RMND1: variants seen among roughly 807,000 people sequenced by gnomAD.
RMND1 encodes the protein required for meiotic nuclear division protein 1 homolog.
A neutral mutation model predicts 54.0 loss-of-function variants in RMND1; 41 were observed. The ratio of observed to expected loss-of-function variants is 0.76; its 90% CI spans 0.59 to 0.98. The LOEUF is 0.98. RMND1 is among the 50% of genes least tolerant of loss of function. The probability of loss-of-function intolerance (pLI) is 0.00; values close to 1 mark genes in which losing one functional copy is unlikely to be tolerated. For missense variants in RMND1, 457 were observed against 532.0 expected, an observed-to-expected ratio of 0.86 and a Z score of 1.39; for synonymous variants, 183 against 181.7, an observed-to-expected ratio of 1.01 and a Z score of -0.06.
At chr6:151,430,066 A>C (rs1483654135) in intron 5 of RMND1, 72 bp downstream of exon 5, 1 of 909,570 alleles carries the variant, frequency 1.1e-6, no homozygotes, top group Non-Finnish European at 1.8e-6. Flanking sequence ...CTAATGTTTC[A>C]GTATGTGCTA....
intron 11 of RMND1, 69 bp from the exon 12 acceptor site, chr6:151,405,336 G>C (rs1779575132): frequency 7.2e-7 from 1 of 1,394,410 alleles, no homozygotes; most frequent in African/African-American, 1.4e-5. Context: ...TGACTTCCAA[G>C]ATTGTGATTA....
chr6:151,435,983 T>G (rs1230124700), intron 3 of RMND1, among the ~76,000 whole-genome samples: 1 of 151,682 alleles, frequency 6.6e-6, no homozygotes, highest in Non-Finnish European at 1.5e-5. Context: ...CGCATGCCTG[T>G]AATCCTAGCT....
chr6:151,439,260 A>G (rs1378909212), intron 2 of RMND1, among the ~76,000 whole-genome samples: 4 of 152,236 alleles, frequency 2.6e-5, no homozygotes, highest in Admixed American at 1.3e-4. Flanking sequence ...CTATTGATGG[A>G]ATAGTTCCAT....
Position 151,445,480 on chromosome 6 carries a change from G to C in RMND1, c.332C>G (p.Pro111Arg), listed in dbSNP as rs2114971518. Residue 111 changes from proline to arginine, a missense_variant, in exon 2 of 12, where the codon CCA becomes CGA. Coordinates refer to ENST00000444024, the MANE Select transcript of RMND1 (RefSeq NM_017909.4). ...FGTHRRVTHK[P>R]NLLGSKWFIK... ...AAACCATTTAGAACCCAACAGATTT[G>C]GTTTGTGGGTCACTCTCCTGTGAGT... is the stretch of plus-strand genomic sequence containing the variant. The C allele has an allele frequency of 6.2e-7, 1 of 1,614,188 alleles. No individual in the cohort carries two copies. The highest frequency in any genetic ancestry group is 1.1e-5 in the South Asian group (1 of 91,078).
chr6:151,444,038 G>GA lies in RMND1; in HGVS notation c.504+1269dup, dbSNP rs977634209. 5.9e-4 allele frequency among the ~76,000 whole-genome samples: 89 copies of GA among 151,502 alleles called. 1 individual carries two copies. In the South Asian group the frequency reaches 0.012, roughly 20 times the overall value. The stretch of plus-strand genomic sequence containing the variant: ...TCAAATTCTTTCCTGGAAGGAAGTA[G>GA]AAAAAAAAATCTAAAGAAAAATAGA... On this transcript the variant is annotated intron_variant, in intron 2 of 11. Transcript: ENST00000444024.
At chr6:151,442,693 C>CTTT (rs71790787) in intron 2 of RMND1, among the ~76,000 whole-genome samples, 2 of 130,456 alleles carry the variant, frequency 1.5e-5, no homozygotes, top group Non-Finnish European at 3.2e-5. Flanking sequence ...GCAAGCCCGG[C>CTTT]TTTTTTTTTT....
intron 1 of RMND1, among the ~76,000 whole-genome samples, chr6:151,450,461 G>GC (rs879508375): frequency 9.4e-6 from 1 of 106,438 alleles, no homozygotes; most frequent in African/African-American, 3.6e-5. Flanking sequence ...GGGGGGGCCA[G>GC]CCCCCGTCCG....
At chr6:151,449,655 C>G (rs1222847782) in intron 1 of RMND1, among the ~76,000 whole-genome samples, 1 of 151,222 alleles carries the variant, frequency 6.6e-6, no homozygotes, top group Non-Finnish European at 1.5e-5. Flanking sequence ...TCCTCTCCCT[C>G]TCCCCACGGT....
At chr6:151,405,944 C>T in intron 10 of RMND1, 108 bp from the exon 11 acceptor site, 1 of 533,052 alleles carries the variant, frequency 1.9e-6, no homozygotes, top group Non-Finnish European at 3.3e-6. Context: ...AGTCCTCTCC[C>T]CAAAGGCAGC....
chr6:151,417,923 C>G (rs1042001764), intron 9 of RMND1, among the ~76,000 whole-genome samples: 1 of 152,002 alleles, frequency 6.6e-6, no homozygotes, highest in Non-Finnish European at 1.5e-5. Flanking sequence ...ATTCTCCTGC[C>G]TCAGCCTCCC....
At chr6:151,437,524 G>A (rs1252841994) in intron 2 of RMND1, among the ~76,000 whole-genome samples, 2 of 152,170 alleles carry the variant, frequency 1.3e-5, no homozygotes, top group Admixed American at 1.3e-4. Flanking sequence ...TGGGGTTGTT[G>A]TAAAGTTTAA....
At chr6:151,427,205 T>A (rs1295783353) in intron 6 of RMND1, among the ~76,000 whole-genome samples, 1 of 151,998 alleles carries the variant, frequency 6.6e-6, no homozygotes, top group Non-Finnish European at 1.5e-5. Flanking sequence ...TGAAACCCTG[T>A]CTCTACTAAA....
intron 10 of RMND1, among the ~76,000 whole-genome samples, chr6:151,412,067 T>G (rs1027137493): frequency 6.6e-6 from 1 of 152,226 alleles, no homozygotes; most frequent in Non-Finnish European, 1.5e-5. Flanking sequence ...CAGGCTGATC[T>G]TGGCTCACTG....
intron 10 of RMND1, among the ~76,000 whole-genome samples, chr6:151,412,332 T>A (rs1582943011): frequency 6.9e-6 from 1 of 145,246 alleles, no homozygotes. Context: ...TTTTTTTTTT[T>A]AAAGAGATGG....
rs1779988305 is a variant in RMND1 at position 151,415,812 on chromosome 6, A to C, written c.1200+1467T>G. On this transcript the variant is annotated intron_variant, in intron 10 of 11. Transcript: ENST00000444024. ...CGTCTCAAAAAAAAAAAAAAAAAAA[A>C]AGTCACATACTGTATGACTATCTAT... Among the ~76,000 whole-genome samples the C allele has an allele frequency of 1.5e-5, 2 of 136,210 alleles. 1 individual carries two copies. The highest frequency in any genetic ancestry group is 4.7e-4 in the South Asian group (2 of 4,230). The allele number at this position is 136,210 out of a possible 152,430, so 89.4% of individuals were successfully genotyped here. A position where few individuals can be genotyped will look rare whatever the true frequency, so the allele number is the denominator to read the frequency against.
chr6:151,438,264 G>C (rs775371379), intron 2 of RMND1, among the ~76,000 whole-genome samples: 2 of 152,174 alleles, frequency 1.3e-5, no homozygotes, highest in African/African-American at 4.8e-5. Flanking sequence ...GCGAGACATC[G>C]GGTAGGCTCC....
intron 10 of RMND1, among the ~76,000 whole-genome samples, chr6:151,414,393 C>T (rs976645034): frequency 6.6e-6 from 1 of 152,072 alleles, no homozygotes; most frequent in African/African-American, 2.4e-5. Context: ...CAAGCCAGAA[C>T]ACTTGAGGCA....
At chr6:151,432,413 C>G (rs1229689744) in intron 4 of RMND1, among the ~76,000 whole-genome samples, 1 of 152,162 alleles carries the variant, frequency 6.6e-6, no homozygotes, top group Non-Finnish European at 1.5e-5. Flanking sequence ...AAAAGAACTT[C>G]CACTTATCAT....
chr6:151,421,363 T>C (rs1252416496), intron 8 of RMND1, 42 bp from the exon 9 acceptor site: 1 of 1,448,854 alleles, frequency 6.9e-7, no homozygotes, highest in Admixed American at 1.9e-5. Context: ...ACCATGTATC[T>C]CTCTTTCTAA....
Sources: allele counts gnomAD v4.1 joint callset (sites outside exome capture counted in the v4.1 genomes callset), GRCh38; gene constraint gnomAD v4.1.1; transcripts MANE v1.5; gene names NCBI Gene and HGNC (gene_info 2026-07-23, HGNC 2026-07-21).